The following UNC79 variants were observed in gnomAD, a reference collection of about 807,000 sequenced individuals.
UNC79 encodes the protein protein unc-79 homolog.
Under a neutral mutation model 283.1 loss-of-function variants are expected in UNC79, and 37 were observed. That is an observed-to-expected ratio of 0.13 (90% confidence interval 0.10 to 0.17). UNC79 has a LOEUF of 0.17. UNC79 is among the 10% of genes least tolerant of loss of function. The probability of loss-of-function intolerance (pLI) is 1.00; values close to 1 mark genes in which losing one functional copy is unlikely to be tolerated. For missense variants in UNC79, 2,272 were observed against 3,211.1 expected, an observed-to-expected ratio of 0.71 and a Z score of 7.07; for synonymous variants, 1,107 against 1,200.2, an observed-to-expected ratio of 0.92 and a Z score of 1.61.
chr14:93,651,190 T>C (rs967893706), intron 35 of UNC79, among the ~76,000 whole-genome samples: 9 of 152,208 alleles, frequency 5.9e-5, no homozygotes, highest in Non-Finnish European at 1.0e-4. Context: ...ACCTTCATAG[T>C]AAGTAGTAAG....
At chr14:93,484,205 T>C (rs1453159162) in intron 4 of UNC79, among the ~76,000 whole-genome samples, 1 of 152,196 alleles carries the variant, frequency 6.6e-6, no homozygotes, top group Non-Finnish European at 1.5e-5. Flanking sequence ...TTCCTGACTT[T>C]TTAATGATGA....
intron 11 of UNC79, among the ~76,000 whole-genome samples, chr14:93,534,405 T>C (rs571654550): frequency 1.3e-5 from 2 of 152,320 alleles, no homozygotes; most frequent in African/African-American, 4.8e-5. Context: ...TAGTTTTAGC[T>C]GGTGGTGCTT....
intron 40 of UNC79, among the ~76,000 whole-genome samples, chr14:93,665,844 A>G (rs928822116): frequency 1.3e-5 from 2 of 152,118 alleles, no homozygotes; most frequent in Admixed American, 1.3e-4. Flanking sequence ...CTTCTAATAG[A>G]TTCTTACTGA....
rs2063244705 is a variant in UNC79, at chr14:93,572,217, A to G, written c.1946+133A>G. ...TATTTTTTAACCACCCTGTGGAGAAACTTGAAGCCCCAACATGAAATAGCT... is the reference window on the plus strand; with the variant it reads ...TATTTTTTAACCACCCTGTGGAGAAGCTTGAAGCCCCAACATGAAATAGCT... On this transcript the variant is annotated intron_variant, in intron 15 of 48. Coordinates refer to ENST00000555664, the Ensembl canonical transcript of UNC79. 5 of 940,470 alleles carry G rather than the reference A, an allele frequency of 5.3e-6. No homozygotes were observed. In the South Asian group the frequency reaches 1.2e-4, roughly 23 times the overall value. The allele number at this position is 940,470 out of a possible 1,614,324, so 58.3% of individuals were successfully genotyped here.
At chr14:93,407,935 C>G (rs2055260029) in intron 1 of UNC79, among the ~76,000 whole-genome samples, 1 of 152,122 alleles carries the variant, frequency 6.6e-6, no homozygotes, top group South Asian at 2.1e-4. Flanking sequence ...GGCTCTGACA[C>G]CTACAGTTAT....
At chr14:93,521,380 T>G (rs1197801421) in intron 7 of UNC79, among the ~76,000 whole-genome samples, 2 of 152,036 alleles carry the variant, frequency 1.3e-5, no homozygotes, top group Non-Finnish European at 2.9e-5. Flanking sequence ...CTATTTAGAT[T>G]TCTGGATCTC....
At chr14:93,355,098 T>G (rs576753003) in intron 1 of UNC79, among the ~76,000 whole-genome samples, 2 of 151,944 alleles carry the variant, frequency 1.3e-5, no homozygotes, top group Non-Finnish European at 2.9e-5. Context: ...GACGTCATCT[T>G]GACTCACTGC....
At position 93,597,559 on chromosome 14, in the gene UNC79, T is replaced by C. The variant is rs1261353022; in HGVS notation, c.3372+19T>C. ...ATTGCAGGTGACATGTGATTTGTGT[T>C]ATCTGCTCCGAAGGTGGTTTGTGTC... On this transcript the variant is annotated intron_variant, in intron 24 of 48. Coordinates refer to ENST00000555664, the Ensembl canonical transcript of UNC79. The C allele has an allele frequency of 6.2e-7, 1 of 1,604,778 alleles. No homozygotes were observed. Among genetic ancestry groups the C allele is most frequent in the African/African-American group, 1.3e-5 (1 of 74,634 alleles).
chr14:93,644,632 A>G (rs770153122), intron 34 of UNC79, among the ~76,000 whole-genome samples: 3 of 152,220 alleles, frequency 2.0e-5, no homozygotes, highest in Non-Finnish European at 4.4e-5. Context: ...CTTAAAGTTT[A>G]TAAGGAGGAG....
At chr14:93,584,766 G>A (rs1044466747) in intron 20 of UNC79, among the ~76,000 whole-genome samples, 66 of 151,112 alleles carry the variant, frequency 4.4e-4, no homozygotes, top group Non-Finnish European at 3.4e-4. Flanking sequence ...GTGTGATCTC[G>A]GCTCACTGCA....
At chr14:93,600,624 C>A in exon 25 of UNC79, 5 of 1,613,700 alleles carry the variant, frequency 3.1e-6, no homozygotes, top group Non-Finnish European at 4.2e-6. Context: ...GACAGACCCA[C>A]AATTTTGAGC....
intron 14 of UNC79, among the ~76,000 whole-genome samples, chr14:93,561,237 A>G (rs2062528589): frequency 6.6e-6 from 1 of 152,174 alleles, no homozygotes; most frequent in African/African-American, 2.4e-5. Context: ...CTTTGCTGAG[A>G]GATACATAAA....
At chr14:93,415,313 G>A (rs1316067314) in intron 1 of UNC79, among the ~76,000 whole-genome samples, 1 of 152,144 alleles carries the variant, frequency 6.6e-6, no homozygotes, top group Non-Finnish European at 1.5e-5. Context: ...TTATATGCTG[G>A]ATTACATGTA....
At chr14:93,566,080 G>T (rs1166315976) in intron 14 of UNC79, among the ~76,000 whole-genome samples, 1 of 152,174 alleles carries the variant, frequency 6.6e-6, no homozygotes, top group Non-Finnish European at 1.5e-5. Context: ...AAAACTCCCA[G>T]TTGCAGCAAT....
intron 40 of UNC79, among the ~76,000 whole-genome samples, chr14:93,668,446 C>T (rs986118473): frequency 2.0e-5 from 3 of 152,088 alleles, no homozygotes; most frequent in Admixed American, 2.0e-4. Context: ...TGTGGTGGCT[C>T]ATGCCTATAA....
At chr14:93,619,340 C>T (rs1481512993) in intron 29 of UNC79, among the ~76,000 whole-genome samples, 16 of 152,174 alleles carry the variant, frequency 1.1e-4, no homozygotes, top group African/African-American at 3.1e-4. Flanking sequence ...AGTGTTTGGG[C>T]CAAACCCTGA....
At chr14:93,547,048 C>T (rs1029696546) in intron 14 of UNC79, among the ~76,000 whole-genome samples, 2 of 152,198 alleles carry the variant, frequency 1.3e-5, no homozygotes, top group Non-Finnish European at 2.9e-5. Flanking sequence ...GCTGAAAGTT[C>T]ACTGTGACAC....
intron 2 of UNC79, among the ~76,000 whole-genome samples, chr14:93,470,096 GAAGA>G (rs2057424278): frequency 1.3e-5 from 2 of 151,986 alleles, no homozygotes; most frequent in African/African-American, 4.8e-5. Flanking sequence ...AAAATAACAA[GAAGA>G]AAGAATTAGA....
exon 46 of UNC79, chr14:93,691,829 C>G (rs747202591): frequency 6.2e-7 from 1 of 1,614,056 alleles, no homozygotes; most frequent in Non-Finnish European, 8.5e-7. Context: ...AGCAAAGTGC[C>G]GTCGCTACAA....
Sources: gnomAD v4.1 joint callset for allele counts (sites outside exome capture counted in the v4.1 genomes callset) on GRCh38, gnomAD v4.1.1 for gene constraint, MANE v1.5 for transcripts, NCBI Gene and HGNC (gene_info 2026-07-23, HGNC 2026-07-21) for gene names.